The following FHIP1A variants were observed in gnomAD, a reference collection of about 807,000 sequenced individuals.
FHIP1A encodes FHF complex subunit HOOK-interacting protein 1A.
Under a neutral mutation model 88.6 loss-of-function variants are expected in FHIP1A, and 61 were observed. The observed-to-expected ratio is 0.69, with a 90% CI of 0.56 to 0.85. The LOEUF (loss-of-function observed/expected upper bound fraction) is 0.85. FHIP1A is among the 40% of genes least tolerant of loss of function. FHIP1A has a pLI of 0.00. For missense variants in FHIP1A, 1,154 were observed against 1,273.5 expected, an observed-to-expected ratio of 0.91 and a Z score of 1.43; for synonymous variants, 478 against 496.0, an observed-to-expected ratio of 0.96 and a Z score of 0.48.
chr4:151,647,840 G>A (rs1736856298), intron 10 of FHIP1A, among the ~76,000 whole-genome samples: 1 of 152,200 alleles, frequency 6.6e-6, no homozygotes. Context: ...CAAAATTCAA[G>A]TTAAACCTAT....
intron 3 of FHIP1A, among the ~76,000 whole-genome samples, chr4:151,531,347 G>T (rs1731870857): frequency 6.6e-6 from 1 of 151,976 alleles, no homozygotes; most frequent in African/African-American, 2.4e-5. Flanking sequence ...AATTGTTGAG[G>T]TGGAGGGGCC....
intron 3 of FHIP1A, among the ~76,000 whole-genome samples, chr4:151,538,120 G>C (rs1344110242): frequency 6.6e-6 from 1 of 152,166 alleles, no homozygotes; most frequent in Non-Finnish European, 1.5e-5. Context: ...CGTTCCCTTA[G>C]ACCATAGTAG....
At chr4:151,591,520 T>C (rs1016145589) in intron 7 of FHIP1A, among the ~76,000 whole-genome samples, 10 of 152,154 alleles carry the variant, frequency 6.6e-5, no homozygotes, top group South Asian at 2.1e-4. Flanking sequence ...TTGTTACATA[T>C]GTATACACGT....
At chr4:151,439,580 T>C (rs1184601744) in intron 1 of FHIP1A, among the ~76,000 whole-genome samples, 1 of 152,142 alleles carries the variant, frequency 6.6e-6, no homozygotes, top group Non-Finnish European at 1.5e-5. Context: ...TTTCTTAAAT[T>C]TGGTGGTTCT....
intron 3 of FHIP1A, among the ~76,000 whole-genome samples, chr4:151,520,010 C>T (rs1334170163): frequency 3.3e-5 from 5 of 152,012 alleles, no homozygotes; most frequent in Admixed American, 6.6e-5. Context: ...GTATGTTTTG[C>T]GGATCTTTAT....
chr4:151,617,416 T>C (rs997310576), intron 7 of FHIP1A, among the ~76,000 whole-genome samples: 11 of 152,106 alleles, frequency 7.2e-5, no homozygotes, highest in African/African-American at 2.7e-4. Context: ...CTTAACCTGG[T>C]TTTGAAAACC....
chr4:151,620,225 G>A (rs1414793522), intron 7 of FHIP1A, among the ~76,000 whole-genome samples: 1 of 152,226 alleles, frequency 6.6e-6, no homozygotes, highest in Non-Finnish European at 1.5e-5. Context: ...GCAGATAGGA[G>A]AGATGGTGTT....
chr4:151,439,686 C>T (rs1159745095), intron 1 of FHIP1A, among the ~76,000 whole-genome samples: 3 of 152,128 alleles, frequency 2.0e-5, no homozygotes, highest in Non-Finnish European at 4.4e-5. Flanking sequence ...AATTCTGTGA[C>T]TCTTTGATCT....
chr4:151,487,055 G>A (rs1376119171), intron 3 of FHIP1A, among the ~76,000 whole-genome samples: 1 of 151,876 alleles, frequency 6.6e-6, no homozygotes, highest in East Asian at 1.9e-4. Flanking sequence ...AGAGCCTTTG[G>A]CCCTTAACTT....
chr4:151,571,730 A>C (rs1733609323), intron 4 of FHIP1A, among the ~76,000 whole-genome samples: 1 of 152,208 alleles, frequency 6.6e-6, no homozygotes, highest in Non-Finnish European at 1.5e-5. Context: ...CGTATTAGAG[A>C]ACTCTGATTC....
chr4:151,514,919 A>G (rs1731171675), intron 3 of FHIP1A, among the ~76,000 whole-genome samples: 1 of 152,336 alleles, frequency 6.6e-6, no homozygotes, highest in Admixed American at 6.5e-5. Context: ...ATTCCAATCA[A>G]TAGAAAAAGA....
chr4:151,599,466 G>A (rs1376615882), intron 7 of FHIP1A, among the ~76,000 whole-genome samples: 1 of 152,152 alleles, frequency 6.6e-6, no homozygotes, highest in African/African-American at 2.4e-5. Context: ...CAAGATGGGG[G>A]AAGGCTGGGA....
chr4:151,614,921 T>G (rs1407119613), intron 7 of FHIP1A, among the ~76,000 whole-genome samples: 1 of 152,192 alleles, frequency 6.6e-6, no homozygotes, highest in Non-Finnish European at 1.5e-5. Context: ...TCTTATCATT[T>G]TAATAATGAA....
intron 3 of FHIP1A, among the ~76,000 whole-genome samples, chr4:151,557,870 C>T (rs1474198265): frequency 2.6e-5 from 4 of 152,182 alleles, no homozygotes; most frequent in Non-Finnish European, 5.9e-5. Flanking sequence ...TCTGAAAAGG[C>T]AACAACTATT....
At position 151,646,801 on chromosome 4, in the gene FHIP1A, G is replaced by A. The variant is rs1373802962; in HGVS notation, c.1417+53G>A. 47 of 1,283,944 alleles carry A rather than the reference G, an allele frequency of 3.7e-5. No individual in the cohort carries two copies. In the East Asian group the frequency reaches 1.1e-3, roughly 30 times the overall value. The allele number at this position is 1,283,944 out of a possible 1,614,324, so 79.5% of individuals were successfully genotyped here. Reference sequence around the variant, plus strand: ...AACAAAAGGATGCCAGTTCCATCTCGCCTTGGGATATGTGTCCCTTTGGGT... The same window carrying A: ...AACAAAAGGATGCCAGTTCCATCTCACCTTGGGATATGTGTCCCTTTGGGT... On this transcript the variant is annotated intron_variant, in intron 10 of 13. Coordinates refer to ENST00000435205, the MANE Select transcript of FHIP1A (RefSeq NM_001109977.3).
At chr4:151,601,149 A>G (rs1326648364) in intron 7 of FHIP1A, among the ~76,000 whole-genome samples, 2 of 152,186 alleles carry the variant, frequency 1.3e-5, no homozygotes, top group African/African-American at 2.4e-5. Context: ...GCCTGAGGCA[A>G]CCCTTCAGAG....
intron 11 of FHIP1A, among the ~76,000 whole-genome samples, chr4:151,655,997 C>T (rs1303220361): frequency 1.3e-5 from 2 of 151,762 alleles, no homozygotes; most frequent in African/African-American, 4.8e-5. Flanking sequence ...CAAAACTGCT[C>T]ATGGAGTGAA....
chr4:151,649,408 C>A, intron 10 of FHIP1A, 51 bp from the exon 11 acceptor site: 2 of 1,389,560 alleles, frequency 1.4e-6, no homozygotes, highest in Non-Finnish European at 9.8e-7. Flanking sequence ...CCATCCACTA[C>A]CTTTGTCCCC....
At chr4:151,582,436 CA>C (rs1245884812) in intron 5 of FHIP1A, among the ~76,000 whole-genome samples, 1 of 151,718 alleles carries the variant, frequency 6.6e-6, no homozygotes, top group African/African-American at 2.4e-5. Context: ...TTGGTAGATG[CA>C]TTATTTTCTT....
Sources: allele counts gnomAD v4.1 joint callset (sites outside exome capture counted in the v4.1 genomes callset), GRCh38; gene constraint gnomAD v4.1.1; transcripts MANE v1.5; gene names NCBI Gene and HGNC (gene_info 2026-07-23, HGNC 2026-07-21).